Variants in VRK2 observed in about 807,000 individuals in gnomAD.
The protein encoded by VRK2 is VRK serine/threonine kinase 2.
In VRK2, 60 loss-of-function variants were observed where a neutral mutation model predicts 57.6. The ratio of observed to expected loss-of-function variants is 1.04; its 90% CI spans 0.85 to 1.29. VRK2 has a LOEUF of 1.29. VRK2 is among the 50% of genes most tolerant of loss of function. The pLI is 0.00. For synonymous variants in VRK2, 231 were observed against 199.2 expected, an observed-to-expected ratio of 1.16 and a Z score of -1.35; for missense variants, 705 against 588.1, an observed-to-expected ratio of 1.20 and a Z score of -2.06.
chr2:58,016,624 T>G (rs1673591299), intron 1 of VRK2, among the ~76,000 whole-genome samples: 1 of 152,182 alleles, frequency 6.6e-6, no homozygotes, highest in Non-Finnish European at 1.5e-5. Context: ...CCTCCAAAAG[T>G]GCTGGGATTA....
chr2:57,996,203 G>C lies in VRK2; in HGVS notation c.-438-29462G>C, dbSNP rs183581867. Among the ~76,000 whole-genome samples, 24 of 152,222 alleles carry C rather than the reference G, an allele frequency of 1.6e-4. No homozygotes were observed. The East Asian group carries it at 4.1e-3, about 26-fold the overall frequency. On this transcript the variant is annotated intron_variant, in intron 1 of 15. Transcript: ENST00000417641. Reference sequence around the variant, plus strand: ...GGATAAGGAGACAGAGTTGAGGATGGGGGTGTCCTGGAACCAATCTCTTGC... The same window carrying C: ...GGATAAGGAGACAGAGTTGAGGATGCGGGTGTCCTGGAACCAATCTCTTGC...
At chr2:57,955,615 A>G (rs1338761139) in intron 1 of VRK2, among the ~76,000 whole-genome samples, 1 of 152,204 alleles carries the variant, frequency 6.6e-6, no homozygotes, top group African/African-American at 2.4e-5. Context: ...CAAATTATCA[A>G]AAAACATCTT....
chr2:57,985,909 G>T (rs761917973), intron 1 of VRK2, among the ~76,000 whole-genome samples: 7 of 151,942 alleles, frequency 4.6e-5, no homozygotes, highest in Admixed American at 2.0e-4. Context: ...ATGAACAATT[G>T]CAAATTCAAA....
Position 58,137,195 on chromosome 2 carries a change from T to TGTATC in VRK2, c.856+1996_856+1997insGTATC, listed in dbSNP as rs1553422439. On this transcript the variant is annotated intron_variant, in intron 10 of 12. Coordinates refer to ENST00000340157, the MANE Select transcript of VRK2 (RefSeq NM_006296.7). The stretch of plus-strand genomic sequence containing the variant: ...TATCATATATATCATATATGATACA[T>TGTATC]ATATATCTCATATATGATACATATA... Among the ~76,000 whole-genome samples the TGTATC allele has an allele frequency of 2.1e-3, 48 of 23,078 alleles. 2 individuals carry two copies. The highest frequency in any genetic ancestry group is 5.6e-3 in the African/African-American group (35 of 6,234). 15.1% of individuals were successfully genotyped at this position (23,078 alleles called of 152,430 possible).
intron 10 of VRK2, among the ~76,000 whole-genome samples, chr2:58,136,861 G>C (rs1343251165): frequency 9.8e-6 from 1 of 102,034 alleles, no homozygotes; most frequent in South Asian, 2.5e-4. Context: ...ATATATATGT[G>C]TATATATATC....
intron 1 of VRK2, among the ~76,000 whole-genome samples, chr2:57,941,670 C>CT (rs926360452): frequency 2.0e-5 from 3 of 152,048 alleles, no homozygotes; most frequent in African/African-American, 7.2e-5. Flanking sequence ...TATTCATAAG[C>CT]TTTTTTACTA....
intron 2 of VRK2, among the ~76,000 whole-genome samples, chr2:58,064,883 G>A (rs913104143): frequency 6.6e-6 from 1 of 151,816 alleles, no homozygotes; most frequent in Non-Finnish European, 1.5e-5. Context: ...ACATGTCATA[G>A]TTTTGGAATC....
intron 1 of VRK2, among the ~76,000 whole-genome samples, chr2:57,960,152 A>C (rs193020281): frequency 1.5e-3 from 230 of 152,130 alleles, no homozygotes; most frequent in Admixed American, 3.1e-3. Flanking sequence ...CCCTGTGTAA[A>C]GGTGTTCTTT....
Position 58,134,617 on chromosome 2 carries a change from C to CAAAAAAA in VRK2, c.798-510_798-504dup, listed in dbSNP as rs70954875. 4.8e-3 allele frequency among the ~76,000 whole-genome samples: 352 copies of CAAAAAAA among 73,050 alleles called. 1 individual carries two copies. Among genetic ancestry groups the CAAAAAAA allele is most frequent in the African/African-American group, 0.014 (310 of 22,534 alleles). 47.9% of individuals were successfully genotyped at this position (73,050 alleles called of 152,430 possible). A position where few individuals can be genotyped will look rare whatever the true frequency, so the allele number is the denominator to read the frequency against. ...TGGGCGACAGAGCGAGACTCCGTCT[C>CAAAAAAA]AAAAAAAAAAAAAAAAAAAAGAATA... On this transcript the variant is annotated intron_variant, in intron 9 of 12. Transcript: ENST00000340157.
At chr2:58,016,901 C>T (rs942705932) in intron 1 of VRK2, among the ~76,000 whole-genome samples, 3 of 151,982 alleles carry the variant, frequency 2.0e-5, no homozygotes, top group Non-Finnish European at 2.9e-5. Flanking sequence ...ATTTGACTGG[C>T]GAATTTTCTG....
rs1413004719 is a variant in VRK2, at chr2:58,084,094, C to T, written c.142C>T (p.Pro48Ser). 1.9e-6 allele frequency: 3 copies of T among 1,603,224 alleles called. No homozygotes were observed. In the Admixed American group the frequency reaches 5.1e-5, roughly 27 times the overall value. ...GGFGLIYLAF[P>S]TNKPEKDARH... is the part of the protein sequence containing the mutation. ...TGTGTTTTTTTTGTCTGCAGCTTTCCCCACAAATAAACCAGAGAAAGATGC... is the reference window on the plus strand; with the variant it reads ...TGTGTTTTTTTTGTCTGCAGCTTTCTCCACAAATAAACCAGAGAAAGATGC... The change falls in exon 3 of 13, where the codon CCC becomes TCC. Residue 48 changes from proline (P) to serine (S), a missense_variant. Pro to Ser is a moderately conservative substitution (Grantham distance 74). Coordinates refer to ENST00000340157, the MANE Select transcript of VRK2 (RefSeq NM_006296.7).
chr2:58,057,343 A>G (rs1047807797), intron 2 of VRK2, among the ~76,000 whole-genome samples: 1 of 152,152 alleles, frequency 6.6e-6, no homozygotes, highest in African/African-American at 2.4e-5. Context: ...GAAGGGATAA[A>G]AGTATGTGTT....
chr2:58,064,411 C>A (rs1668343572), intron 2 of VRK2, among the ~76,000 whole-genome samples: 1 of 152,022 alleles, frequency 6.6e-6, no homozygotes, highest in Non-Finnish European at 1.5e-5. Flanking sequence ...ACATCAAGAC[C>A]CTCCACAAGC....
chr2:58,022,676 G>T (rs1341516706), intron 1 of VRK2, among the ~76,000 whole-genome samples: 1 of 152,150 alleles, frequency 6.6e-6, no homozygotes, highest in Non-Finnish European at 1.5e-5. Context: ...AGGAGTTTGA[G>T]ACCAGCCCAG....
chr2:58,046,977 A>T, intron 1 of VRK2, 109 bp downstream of exon 1: 8 of 983,964 alleles, frequency 8.1e-6, no homozygotes, highest in Non-Finnish European at 9.6e-6. Flanking sequence ...GATGCCGGGG[A>T]CTCCGGGCCG....
intron 2 of VRK2, among the ~76,000 whole-genome samples, chr2:58,067,992 C>T (rs1218037385): frequency 1.3e-5 from 2 of 151,464 alleles, no homozygotes; most frequent in East Asian, 3.9e-4. Flanking sequence ...TGCAGTGGCA[C>T]AATCTTGGCT....
At chr2:58,053,537 A>G (rs1259528601) in intron 2 of VRK2, among the ~76,000 whole-genome samples, 2 of 152,220 alleles carry the variant, frequency 1.3e-5, no homozygotes, top group Non-Finnish European at 2.9e-5. Flanking sequence ...TTTATATTTA[A>G]AACAAGTAAA....
intron 1 of VRK2, among the ~76,000 whole-genome samples, chr2:57,916,173 G>A (rs112176860): frequency 0.041 from 6,179 of 152,100 alleles, 175 homozygotes; most frequent in South Asian, 0.11. Flanking sequence ...TTGGGAGGTC[G>A]AGGCAGGCAG....
intron 7 of VRK2, among the ~76,000 whole-genome samples, chr2:58,118,920 T>G (rs1046227883): frequency 1.2e-3 from 183 of 152,142 alleles, no homozygotes; most frequent in Middle Eastern, 6.8e-3. Flanking sequence ...CTCAGTGGGG[T>G]AGCTTCTGAG....
Sources: allele counts gnomAD v4.1 joint callset (sites outside exome capture counted in the v4.1 genomes callset), GRCh38; gene constraint gnomAD v4.1.1; transcripts MANE v1.5; gene names NCBI Gene and HGNC (gene_info 2026-07-23, HGNC 2026-07-21).